Variants in CUX2 observed in about 807,000 individuals in gnomAD.
The protein encoded by CUX2 is cut like homeobox 2.
Under a neutral mutation model 144.8 loss-of-function variants are expected in CUX2, and 40 were observed. The observed-to-expected ratio is 0.28, with a 90% confidence interval of 0.21 to 0.36. The LOEUF is 0.36. Ranked by LOEUF, CUX2 falls within the 10% of genes least tolerant of loss-of-function variation. The pLI is 1.00. For missense variants in CUX2, 1,615 were observed against 1,994.0 expected (o/e 0.81, Z 3.62); for synonymous variants, 827 against 875.6 (o/e 0.94, Z 0.98).
At chr12:111,084,763 C>T (rs549604597) in intron 1 of CUX2, among the ~76,000 whole-genome samples, 4 of 152,170 alleles carry the variant, frequency 2.6e-5, no homozygotes, top group Non-Finnish European at 4.4e-5. Context: ...TTTGCGGCAG[C>T]GACGGCGCTG....
intron 1 of CUX2, among the ~76,000 whole-genome samples, chr12:111,038,348 G>A (rs865932786): frequency 3.3e-5 from 5 of 152,324 alleles, no homozygotes; most frequent in South Asian, 4.1e-4. Flanking sequence ...CCCTGTTGGC[G>A]GAATCCTAAC....
rs189748504 is a variant in CUX2, at chr12:111,291,962, C to T, written c.436+410C>T. 3.7e-3 allele frequency among the ~76,000 whole-genome samples: 560 copies of T among 152,266 alleles called. 1 individual carries two copies. The highest frequency in any genetic ancestry group is 0.012 in the African/African-American group (506 of 41,540). ...TGAGCCCTTGCCGAGCTGGACATGA[C>T]GCAGGTGAGGCCAGTGATGGCTGAG... On this transcript the variant is annotated intron_variant, in intron 5 of 21. Transcript: ENST00000261726.
chr12:111,221,557 T>C (rs969800342), intron 3 of CUX2, among the ~76,000 whole-genome samples: 1 of 152,120 alleles, frequency 6.6e-6, no homozygotes, highest in Non-Finnish European at 1.5e-5. Flanking sequence ...AACTAGCCCA[T>C]AAAACGCCAG....
chr12:111,130,285 C>T (rs573574573), intron 1 of CUX2, among the ~76,000 whole-genome samples: 1 of 152,280 alleles, frequency 6.6e-6, no homozygotes, highest in East Asian at 1.9e-4. Context: ...TCAGGTTAAA[C>T]TTTTGATCCC....
chr12:111,179,070 C>T (rs1030791642), intron 1 of CUX2, among the ~76,000 whole-genome samples: 3 of 152,104 alleles, frequency 2.0e-5, no homozygotes, highest in African/African-American at 4.8e-5. Context: ...CCTGAGCTAC[C>T]GCACAGAGAT....
Position 111,171,905 on chromosome 12 carries a change from T to A in CUX2, c.64-42295T>A, listed in dbSNP as rs1293177139. On this transcript the variant is annotated intron_variant, in intron 1 of 21. Coordinates refer to ENST00000261726, the MANE Select transcript of CUX2 (RefSeq NM_015267.4). This position sits in a 1 kb window ranked among gnomAD's most constrained non-coding sequence, Gnocchi z 5.0. ...CATTTCCCAATGGGCAGGCAGCATA[T>A]GCACTCTCTGTGTGTGCGTGTGCCT... 6.6e-6 allele frequency among the ~76,000 whole-genome samples: 1 copy of A among 152,088 alleles called. No individual in the cohort carries two copies.
chr12:111,159,945 A>G (rs938606092), intron 1 of CUX2, among the ~76,000 whole-genome samples: 1 of 152,244 alleles, frequency 6.6e-6, no homozygotes, highest in Non-Finnish European at 1.5e-5. Context: ...GAATCGCTTG[A>G]ACCCGGGAGG....
chr12:111,131,337 C>T (rs1015888951), intron 1 of CUX2, among the ~76,000 whole-genome samples: 5 of 152,176 alleles, frequency 3.3e-5, no homozygotes, highest in African/African-American at 1.2e-4. Context: ...CCCTGGGTCC[C>T]TCCCACAACA....
At chr12:111,344,258 G>A (rs1164249828) in intron 21 of CUX2, among the ~76,000 whole-genome samples, 1 of 152,102 alleles carries the variant, frequency 6.6e-6, no homozygotes, top group East Asian at 1.9e-4. Flanking sequence ...CATTTCTAAT[G>A]TATGCATAGT....
intron 3 of CUX2, among the ~76,000 whole-genome samples, chr12:111,244,475 C>T (rs1280610303): frequency 4.6e-5 from 7 of 152,200 alleles, no homozygotes; most frequent in South Asian, 2.1e-4. Context: ...CAGCTCTGTC[C>T]GGAGCTGCAA....
At chr12:111,231,007 T>C (rs750072139) in intron 3 of CUX2, among the ~76,000 whole-genome samples, 1 of 152,180 alleles carries the variant, frequency 6.6e-6, no homozygotes, top group Non-Finnish European at 1.5e-5. Flanking sequence ...GCATTGAGTA[T>C]GTATTGCCTT....
chr12:111,184,842 T>A (rs1879417896), intron 1 of CUX2, among the ~76,000 whole-genome samples: 1 of 151,980 alleles, frequency 6.6e-6, no homozygotes, highest in African/African-American at 2.4e-5. Flanking sequence ...GGCGGGCAGA[T>A]CACGAGGTCA....
chr12:111,334,354 T>C, intron 18 of CUX2, 87 bp from the exon 19 acceptor site: 1 of 1,436,434 alleles, frequency 7.0e-7, no homozygotes, highest in East Asian at 2.3e-5. Flanking sequence ...GTTTGGCAAC[T>C]CTTGGCTGTA....
chr12:111,278,799 G>C (rs1170297554), intron 4 of CUX2, among the ~76,000 whole-genome samples: 1 of 152,144 alleles, frequency 6.6e-6, no homozygotes, highest in East Asian at 1.9e-4. Flanking sequence ...ACATTTAGCT[G>C]ATGCATCGAA....
At chr12:111,152,600 CTG>C (rs958642783) in intron 1 of CUX2, among the ~76,000 whole-genome samples, 8 of 152,208 alleles carry the variant, frequency 5.3e-5, no homozygotes, top group Non-Finnish European at 1.2e-4. Flanking sequence ...CTAAATATGA[CTG>C]TGTGCATATT....
chr12:111,336,459 T>TGTGTGTGTG (rs199709412), intron 19 of CUX2, among the ~76,000 whole-genome samples: 7 of 146,524 alleles, frequency 4.8e-5, no homozygotes, highest in East Asian at 2.1e-4. Flanking sequence ...TGTGTGTGTG[T>TGTGTGTGTG]TTAAGATGGA....
intron 8 of CUX2, 96 bp downstream of exon 8, chr12:111,296,635 C>G: frequency 8.7e-7 from 1 of 1,148,720 alleles, no homozygotes; most frequent in Non-Finnish European, 1.3e-6. Flanking sequence ...CTCCCTCTGA[C>G]CCTCCCAGAC....
At position 111,035,344 on chromosome 12, in the gene CUX2, C is replaced by T. The variant is rs1362493971; in HGVS notation, c.63+1104C>T. 6.6e-6 allele frequency among the ~76,000 whole-genome samples: 1 copy of T among 152,172 alleles called. No homozygotes were observed. Among genetic ancestry groups the T allele is most frequent in the Non-Finnish European group, 1.5e-5 (1 of 68,024 alleles). On this transcript the variant is annotated intron_variant, in intron 1 of 21. Transcript: ENST00000261726. The surrounding 1 kb of genome is among the most constrained non-coding windows in gnomAD (Gnocchi z 6.0). ...CCTCCCCTAGATTTGGAGGTGTTCT[C>T]TGCGGACCCCGTAGGAGCCGGGGCT...
intron 1 of CUX2, among the ~76,000 whole-genome samples, chr12:111,074,323 C>T (rs1022330251): frequency 1.3e-5 from 2 of 152,068 alleles, no homozygotes; most frequent in African/African-American, 4.8e-5. Context: ...TTGGTTGAGA[C>T]TGAATCTGTA....
Sources: gnomAD v4.1 joint callset for allele counts (sites outside exome capture counted in the v4.1 genomes callset) on GRCh38, gnomAD v4.1.1 for gene constraint, Gnocchi (gnomAD v3.1) non-coding constraint, MANE v1.5 for transcripts, NCBI Gene and HGNC (gene_info 2026-07-23, HGNC 2026-07-21) for gene names.